The following ARRB1 variants were observed in gnomAD, a reference collection of about 807,000 sequenced individuals.
ARRB1 encodes the protein arrestin beta 1, also known as beta-arrestin-1.
ARRB1 carries 21 observed loss-of-function variants against 56.8 expected under a neutral mutation model. The observed-to-expected ratio is 0.37, with a 90% CI of 0.26 to 0.53. The LOEUF (loss-of-function observed/expected upper bound fraction) is 0.53. Among genes scored for constraint, ARRB1 ranks in the 20% least tolerant of loss-of-function variants. ARRB1 has a pLI of 0.88. For missense variants in ARRB1, 424 were observed against 553.7 expected, an observed-to-expected ratio of 0.77 and a Z score of 2.35; for synonymous variants, 210 against 218.6, an observed-to-expected ratio of 0.96 and a Z score of 0.35.
rs1226600804 is a variant in ARRB1, at chr11:75,265,210, C to G, written c.*953G>C. ...TCGGCCCCCGCTGGACACCCATCCT[C>G]ACTTCCTGCATGACCATGTGAAGTC... On this transcript the variant is annotated 3_prime_UTR_variant, in exon 16 of 16. Coordinates refer to ENST00000420843, the MANE Select transcript of ARRB1 (RefSeq NM_004041.5). 4 of 152,422 alleles carry G rather than the reference C, an allele frequency of 2.6e-5. No homozygotes were observed. The highest frequency in any genetic ancestry group is 5.9e-5 in the Non-Finnish European group (4 of 68,218). 9.4% of individuals were successfully genotyped at this position (152,422 alleles called of 1,614,324 possible). A position where few individuals can be genotyped will look rare whatever the true frequency, so the allele number is the denominator to read the frequency against.
intron 1 of ARRB1, among the ~76,000 whole-genome samples, chr11:75,345,910 G>A (rs553558691): frequency 9.3e-4 from 141 of 152,270 alleles, no homozygotes; most frequent in African/African-American, 3.2e-3. Flanking sequence ...GGCATCTCCT[G>A]GGGAAGCAGA....
At chr11:75,327,293 C>G (rs996483747) in intron 1 of ARRB1, among the ~76,000 whole-genome samples, 1 of 112,408 alleles carries the variant, frequency 8.9e-6, no homozygotes, top group Non-Finnish European at 1.7e-5. Context: ...CAGAGCGAAA[C>G]TCCATCTCAA....
chr11:75,286,871 C>T (rs1946490700), intron 3 of ARRB1, among the ~76,000 whole-genome samples: 1 of 152,206 alleles, frequency 6.6e-6, no homozygotes, highest in Non-Finnish European at 1.5e-5. Flanking sequence ...CACAAGGAAG[C>T]AGAACAAAGA....
At position 75,346,718 on chromosome 11, in the gene ARRB1, C is replaced by T. The variant is rs150484040; in HGVS notation, c.20+4870G>A. Among the ~76,000 whole-genome samples, 21 of 152,286 alleles carry T rather than the reference C, an allele frequency of 1.4e-4. 1 individual carries two copies. In the East Asian group the frequency reaches 4.1e-3, roughly 29 times the overall value. On this transcript the variant is annotated intron_variant, in intron 1 of 15. Transcript: ENST00000420843. ...ATGGCCTTCCGTCAGTTTCCTCCCT[C>T]TTCTCTCCATACCCAGGCACTGGTG...
intron 1 of ARRB1, among the ~76,000 whole-genome samples, chr11:75,331,861 A>G (rs2140508415): frequency 6.6e-6 from 1 of 152,156 alleles, no homozygotes; most frequent in South Asian, 2.1e-4. Flanking sequence ...CTCTGGCATA[A>G]CATTACTGTA....
At chr11:75,291,582 C>T (rs1025387999) in intron 1 of ARRB1, among the ~76,000 whole-genome samples, 5 of 152,150 alleles carry the variant, frequency 3.3e-5, no homozygotes, top group South Asian at 2.1e-4. Context: ...CCCTCTCCCC[C>T]GAGCTGGGTC....
intron 1 of ARRB1, among the ~76,000 whole-genome samples, chr11:75,294,047 T>C (rs1052856589): frequency 1.3e-5 from 2 of 152,168 alleles, no homozygotes; most frequent in South Asian, 2.1e-4. Flanking sequence ...TGCTAACTGG[T>C]TGAATGGCCC....
At position 75,347,132 on chromosome 11, in the gene ARRB1, C is replaced by T. The variant is rs569829235; in HGVS notation, c.20+4456G>A. ...CTCAGGACCTCTGGACCCATGCCAA[C>T]GGGAGGCGTCAGCCTCAGGCAAGGA... On this transcript the variant is annotated intron_variant, in intron 1 of 15. Coordinates refer to ENST00000420843, the MANE Select transcript of ARRB1 (RefSeq NM_004041.5). Among the ~76,000 whole-genome samples, 15 of 152,380 alleles carry T rather than the reference C, an allele frequency of 9.8e-5. No homozygotes were observed. The South Asian group carries it at 1.7e-3, about 17-fold the overall frequency.
At chr11:75,349,312 G>T (rs1333880352) in intron 1 of ARRB1, among the ~76,000 whole-genome samples, 2 of 152,060 alleles carry the variant, frequency 1.3e-5, no homozygotes, top group Non-Finnish European at 2.9e-5. Context: ...GCCCTAAAAT[G>T]TAAGTATTGA....
intron 1 of ARRB1, among the ~76,000 whole-genome samples, chr11:75,322,002 A>G (rs1947355227): frequency 6.6e-6 from 1 of 152,234 alleles, no homozygotes; most frequent in South Asian, 2.1e-4. Context: ...CAGGTAACAC[A>G]GCAGCCCTGC....
chr11:75,274,831 G>C (rs1946158653), intron 10 of ARRB1: 1 of 150,780 alleles, frequency 6.6e-6, no homozygotes, highest in African/African-American at 2.4e-5. Context: ...AGCAGGCACA[G>C]TTGCTCATGC....
intron 1 of ARRB1, among the ~76,000 whole-genome samples, chr11:75,302,112 T>A (rs1316290843): frequency 6.6e-6 from 1 of 152,154 alleles, no homozygotes; most frequent in East Asian, 1.9e-4. Context: ...TCCCGTCTCC[T>A]GTCACATCCC....
chr11:75,283,268 AG>A lies in ARRB1; in HGVS notation c.354+18del. ...GGTGGCATTTCTGGAATGGGGCCCCAGGGATGGCAGTTCCTGACCTCAAAGG... is the reference window on the plus strand; with the variant it reads ...GGTGGCATTTCTGGAATGGGGCCCCAGGATGGCAGTTCCTGACCTCAAAGG... On this transcript the variant is annotated intron_variant, in intron 5 of 15. Transcript: ENST00000420843. The A allele has an allele frequency of 1.3e-6, 2 of 1,575,634 alleles. No individual in the cohort carries two copies. Among genetic ancestry groups the A allele is most frequent in the Non-Finnish European group, 1.7e-6 (2 of 1,156,768 alleles).
intron 1 of ARRB1, among the ~76,000 whole-genome samples, chr11:75,339,597 C>G (rs1441316019): frequency 6.6e-6 from 1 of 152,190 alleles, no homozygotes; most frequent in Non-Finnish European, 1.5e-5. Flanking sequence ...CCAACCAGGT[C>G]GTGAGTCCCT....
chr11:75,313,211 C>T (rs533533743), intron 1 of ARRB1, among the ~76,000 whole-genome samples: 10 of 152,154 alleles, frequency 6.6e-5, no homozygotes, highest in South Asian at 2.1e-4. Context: ...AAATTACGGG[C>T]GTGGTGGCTC....
chr11:75,334,020 T>C (rs1160658986), intron 1 of ARRB1, among the ~76,000 whole-genome samples: 1 of 152,122 alleles, frequency 6.6e-6, no homozygotes, highest in African/African-American at 2.4e-5. Context: ...ACTTCTACTC[T>C]GCCCCACTCC....
chr11:75,312,337 T>A (rs1448946240), intron 1 of ARRB1, among the ~76,000 whole-genome samples: 1 of 152,182 alleles, frequency 6.6e-6, no homozygotes, highest in Non-Finnish European at 1.5e-5. Flanking sequence ...GAAGGGACAG[T>A]CTGCCTGTGT....
At chr11:75,318,074 C>T (rs1274406798) in intron 1 of ARRB1, among the ~76,000 whole-genome samples, 7 of 150,126 alleles carry the variant, frequency 4.7e-5, no homozygotes, top group African/African-American at 1.7e-4. Flanking sequence ...TGTTAAAAAA[C>T]AGGTTGCTGG....
chr11:75,333,307 A>G (rs1947549164), intron 1 of ARRB1, among the ~76,000 whole-genome samples: 1 of 152,240 alleles, frequency 6.6e-6, no homozygotes, highest in Admixed American at 6.5e-5. Flanking sequence ...CTCTGGCAGG[A>G]GCACACAGTA....
Sources: gnomAD v4.1 joint callset for allele counts (sites outside exome capture counted in the v4.1 genomes callset) on GRCh38, gnomAD v4.1.1 for gene constraint, MANE v1.5 for transcripts, NCBI Gene and HGNC (gene_info 2026-07-23, HGNC 2026-07-21) for gene names.